The following OR2L13 variants were observed in gnomAD, a reference collection of about 807,000 sequenced individuals.
The protein encoded by OR2L13 is olfactory receptor 2L13.
Under a neutral mutation model 15.3 loss-of-function variants are expected in OR2L13, and 14 were observed. The ratio of observed to expected loss-of-function variants is 0.91; its 90% CI spans 0.60 to 1.43. The LOEUF is 1.43. Ranked by LOEUF, OR2L13 falls within the 40% of genes most tolerant of loss-of-function variation. The probability of loss-of-function intolerance (pLI) is 0.00; values close to 1 mark genes in which losing one functional copy is unlikely to be tolerated. For synonymous variants in OR2L13, 152 were observed against 142.9 expected (o/e 1.06, Z -0.45); for missense variants, 367 against 387.9 (o/e 0.95, Z 0.45).
the OR2L13 span, among the ~76,000 whole-genome samples, chr1:248,009,433 C>A: frequency 6.6e-6 from 1 of 151,926 alleles, no homozygotes; most frequent in Non-Finnish European, 1.5e-5. Flanking sequence ...AAGAAATGGG[C>A]AAATTCCTGG....
At chr1:247,960,663 G>A in the OR2L13 span, among the ~76,000 whole-genome samples, 4 of 152,116 alleles carry the variant, frequency 2.6e-5, no homozygotes, top group African/African-American at 7.2e-5. Flanking sequence ...CCCCAGCCTC[G>A]CTGCCACCTT....
chr1:248,047,881 T>C, the OR2L13 span, among the ~76,000 whole-genome samples: 3 of 152,202 alleles, frequency 2.0e-5, no homozygotes, highest in Non-Finnish European at 2.9e-5. Flanking sequence ...AGTCAAGTAA[T>C]ACACAGTCAC....
At chr1:247,950,340 C>T in the OR2L13 span, among the ~76,000 whole-genome samples, 8 of 152,142 alleles carry the variant, frequency 5.3e-5, no homozygotes, top group Admixed American at 1.3e-4. Flanking sequence ...CCTGATACCA[C>T]TCTGGATGGC....
chr1:248,096,406 A>G (rs1369877258), upstream of OR2L13, among the ~76,000 whole-genome samples: 2 of 152,060 alleles, frequency 1.3e-5, no homozygotes, highest in Admixed American at 1.3e-4. Context: ...ATGAAAACCA[A>G]GAGTGAACTA....
chr1:247,948,420 A>G, the OR2L13 span, among the ~76,000 whole-genome samples: 2 of 152,192 alleles, frequency 1.3e-5, no homozygotes, highest in Non-Finnish European at 2.9e-5. Flanking sequence ...TAATAGAGGT[A>G]TCTTTCTTAT....
At chr1:248,041,962 C>G in the OR2L13 span, 1 of 152,108 alleles carries the variant, frequency 6.6e-6, no homozygotes. Flanking sequence ...CCTCAGGGAT[C>G]TAGAACTAGA....
At chr1:248,019,901 C>T in the OR2L13 span, among the ~76,000 whole-genome samples, 3 of 152,264 alleles carry the variant, frequency 2.0e-5, no homozygotes, top group East Asian at 5.8e-4. Context: ...ATCCTCCCAC[C>T]TCAGCCTCCC....
chr1:248,068,412 C>A, the OR2L13 span, among the ~76,000 whole-genome samples: 9 of 150,812 alleles, frequency 6.0e-5, no homozygotes. Flanking sequence ...CTCTAGCAAA[C>A]TGCAACAGAC....
the OR2L13 span, among the ~76,000 whole-genome samples, chr1:248,008,272 A>T: frequency 0.12 from 18,919 of 152,104 alleles, 1,913 homozygotes; most frequent in African/African-American, 0.29. Context: ...CCCTAGAATT[A>T]ATGGCTTCAA....
chr1:248,098,339 T>A (rs1664778200), intron 1 of OR2L13, among the ~76,000 whole-genome samples: 1 of 152,170 alleles, frequency 6.6e-6, no homozygotes, highest in South Asian at 2.1e-4. Flanking sequence ...AGGAAATGAA[T>A]GTATCATAAT....
chr1:248,012,344 T>A, the OR2L13 span, among the ~76,000 whole-genome samples: 2 of 152,142 alleles, frequency 1.3e-5, no homozygotes. Flanking sequence ...GACGGCAGAC[T>A]TCCTTTGTTT....
At chr1:248,003,465 T>C in the OR2L13 span, 11 of 1,608,818 alleles carry the variant, frequency 6.8e-6, no homozygotes, top group Non-Finnish European at 9.4e-6. Context: ...GTAGAAGCGC[T>C]ACTCCTGATA....
chr1:247,952,033 T>A, the OR2L13 span, among the ~76,000 whole-genome samples: 2 of 152,152 alleles, frequency 1.3e-5, no homozygotes, highest in African/African-American at 4.8e-5. Flanking sequence ...AATTGCCCCA[T>A]GTGGTTGTTG....
At chr1:248,100,454 A>G (rs1261189926) in exon 3 of OR2L13, 1 of 428,664 alleles carries the variant, frequency 2.3e-6, no homozygotes, top group Non-Finnish European at 4.3e-6. Flanking sequence ...AATTTAAATA[A>G]TATATTTAAT....
chr1:248,096,329 G>A (rs1446470515), upstream of OR2L13, among the ~76,000 whole-genome samples: 1 of 151,208 alleles, frequency 6.6e-6, no homozygotes, highest in African/African-American at 2.4e-5. Context: ...CTTGCAGTGA[G>A]CCAAGATCAG....
the OR2L13 span, among the ~76,000 whole-genome samples, chr1:248,069,445 G>A: frequency 1.3e-5 from 2 of 152,112 alleles, no homozygotes; most frequent in African/African-American, 2.4e-5. Flanking sequence ...GTCACCACCA[G>A]GCCTGACCTA....
chr1:248,038,435 A>C, the OR2L13 span: 1 of 1,613,678 alleles, frequency 6.2e-7, no homozygotes, highest in Non-Finnish European at 8.5e-7. Flanking sequence ...ATCTCCACAC[A>C]CCTATGTATT....
chr1:248,020,259 C>T, the OR2L13 span, among the ~76,000 whole-genome samples: 1 of 152,118 alleles, frequency 6.6e-6, no homozygotes, highest in Non-Finnish European at 1.5e-5. Flanking sequence ...TAAAGAGCAT[C>T]CAAATTGGTA....
the OR2L13 span, among the ~76,000 whole-genome samples, chr1:247,961,682 G>A: frequency 7.2e-5 from 11 of 152,184 alleles, no homozygotes; most frequent in African/African-American, 4.8e-5. Flanking sequence ...AGCCATGTCT[G>A]GACCTGAAGA....
Sources: gnomAD v4.1 joint callset for allele counts (sites outside exome capture counted in the v4.1 genomes callset) on GRCh38, gnomAD v4.1.1 for gene constraint, MANE v1.5 for transcripts, NCBI Gene and HGNC (gene_info 2026-07-23, HGNC 2026-07-21) for gene names.